The following DISP1 variants were observed in gnomAD, a reference collection of about 807,000 sequenced individuals.
DISP1 encodes protein dispatched homolog 1.
DISP1 carries 30 observed loss-of-function variants against 37.3 expected under a neutral mutation model. The ratio of observed to expected loss-of-function variants is 0.80; its 90% CI spans 0.60 to 1.09. The LOEUF (loss-of-function observed/expected upper bound fraction) is 1.09. DISP1 is among the 50% of genes least tolerant of loss of function. The pLI is 0.00. For missense variants in DISP1, 1,598 were observed against 1,879.5 expected (o/e 0.85, Z 2.77); for synonymous variants, 634 against 690.2 (o/e 0.92, Z 1.28).
chr1:222,842,306 G>C (rs1376760482), intron 1 of DISP1, among the ~76,000 whole-genome samples: 1 of 125,210 alleles, frequency 8.0e-6, no homozygotes, highest in Non-Finnish European at 1.7e-5. Context: ...AATAAAACCT[G>C]TCATTTTAAA....
intron 1 of DISP1, among the ~76,000 whole-genome samples, chr1:222,899,135 A>G (rs1558318315): frequency 6.6e-6 from 1 of 152,078 alleles, no homozygotes; most frequent in Non-Finnish European, 1.5e-5. Flanking sequence ...TTTGATTCCT[A>G]CAGCAAGGCC....
At chr1:222,964,949 T>C (rs993679140) in intron 3 of DISP1, among the ~76,000 whole-genome samples, 7 of 152,216 alleles carry the variant, frequency 4.6e-5, no homozygotes, top group African/African-American at 1.7e-4. Context: ...CATTCTGGTT[T>C]CATGCTTCTG....
At chr1:222,834,452 G>T (rs1483723744) in intron 1 of DISP1, among the ~76,000 whole-genome samples, 1 of 152,142 alleles carries the variant, frequency 6.6e-6, no homozygotes, top group African/African-American at 2.4e-5. Context: ...AGGAATTTAG[G>T]AATAGCAGTG....
chr1:222,849,466 CATA>C (rs1211767168), intron 1 of DISP1, among the ~76,000 whole-genome samples: 1 of 151,914 alleles, frequency 6.6e-6, no homozygotes, highest in African/African-American at 2.4e-5. Flanking sequence ...ATCTGTATAA[CATA>C]AACCTTTCAA....
intron 1 of DISP1, among the ~76,000 whole-genome samples, chr1:222,881,552 T>C (rs1393715020): frequency 6.6e-6 from 1 of 152,164 alleles, no homozygotes; most frequent in Non-Finnish European, 1.5e-5. Flanking sequence ...TTTAAGGAAG[T>C]ATTAATAACA....
At chr1:222,969,783 T>C (rs1676803501) in intron 3 of DISP1, among the ~76,000 whole-genome samples, 1 of 152,130 alleles carries the variant, frequency 6.6e-6, no homozygotes. Flanking sequence ...AGAGTTACAA[T>C]GTTTTATCTG....
At chr1:222,995,701 T>G (rs1008382566) in intron 8 of DISP1, among the ~76,000 whole-genome samples, 2 of 152,224 alleles carry the variant, frequency 1.3e-5, no homozygotes, top group African/African-American at 4.8e-5. Context: ...AAATAGAAAC[T>G]GCTATCTGAT....
At chr1:222,817,246 A>G (rs1037009722) in intron 1 of DISP1, among the ~76,000 whole-genome samples, 1 of 152,262 alleles carries the variant, frequency 6.6e-6, no homozygotes, top group South Asian at 2.1e-4. Flanking sequence ...GATTAAGTAC[A>G]GCGAACTGCT....
At chr1:222,974,053 G>C (rs1677143896) in intron 3 of DISP1, among the ~76,000 whole-genome samples, 1 of 152,198 alleles carries the variant, frequency 6.6e-6, no homozygotes, top group Non-Finnish European at 1.5e-5. Context: ...GCAAGAATCG[G>C]TTGATCTTGT....
In DISP1 at chr1:223,005,907, A is replaced by G; in HGVS notation, c.4510A>G (p.Asn1504Asp). 6.2e-7 allele frequency: 1 copy of G among 1,614,204 alleles called. No homozygotes were observed. Among genetic ancestry groups the G allele is most frequent in the Non-Finnish European group, 8.5e-7 (1 of 1,180,048 alleles). ...CTGTCAAATGCCAAACATGGAAGCC[A>G]ATGTGCCTGCTGTATTAACACACTC... ...VDCQMPNMEA[N>D]VPAVLTHSEL... Residue 1504 changes from asparagine (N) to aspartate (D), a missense_variant, in exon 9 of 9, where the codon AAT becomes GAT. Asn to Asp is a conservative substitution (Grantham distance 23). Transcript: ENST00000675850.
At position 223,005,240 on chromosome 1, in the gene DISP1, C is replaced by T. The variant is rs1279986811; in HGVS notation, c.3843C>T (p.Asn1281=). 6.2e-7 allele frequency: 1 copy of T among 1,614,084 alleles called. No homozygotes were observed. The highest frequency in any genetic ancestry group is 1.7e-5 in the Admixed American group (1 of 60,024). ...GCCCAGATGCCTACAAACACTTGAA[C>T]TATGGCCCACACTCTTGCCAGCAGA... ...CSCPDAYKHL[N]YGPHSCQQMG... is the part of the protein sequence containing the mutation. The change falls in exon 9 of 9, where the codon AAC becomes AAT. Residue 1281 remains asparagine, a synonymous_variant. Transcript: ENST00000675850.
intron 3 of DISP1, among the ~76,000 whole-genome samples, chr1:222,978,238 G>A (rs1261756192): frequency 4.6e-5 from 7 of 152,140 alleles, no homozygotes; most frequent in Middle Eastern, 3.4e-3. Context: ...ATGGTATCTC[G>A]TTGTGGTTTT....
chr1:222,900,949 C>A (rs1238879607), intron 1 of DISP1, among the ~76,000 whole-genome samples: 1 of 152,018 alleles, frequency 6.6e-6, no homozygotes, highest in East Asian at 1.9e-4. Flanking sequence ...TATTTGTATG[C>A]TGTTGGGAAT....
intron 1 of DISP1, among the ~76,000 whole-genome samples, chr1:222,909,919 C>T (rs1292187486): frequency 3.3e-5 from 5 of 152,128 alleles, no homozygotes; most frequent in East Asian, 1.9e-4. Flanking sequence ...GACACTAAAA[C>T]GTTAGCTGCC....
chr1:222,902,252 G>T (rs889853616), intron 1 of DISP1, among the ~76,000 whole-genome samples: 5 of 152,036 alleles, frequency 3.3e-5, no homozygotes, highest in Admixed American at 2.6e-4. Context: ...TGATGTTAGG[G>T]TGTCAATTTT....
At chr1:222,857,515 C>T (rs1306370777) in intron 1 of DISP1, among the ~76,000 whole-genome samples, 3 of 152,070 alleles carry the variant, frequency 2.0e-5, no homozygotes, top group Non-Finnish European at 4.4e-5. Flanking sequence ...ATGACATGAT[C>T]CTATATCTAG....
chr1:222,956,694 A>G (rs1171448098), intron 3 of DISP1, among the ~76,000 whole-genome samples: 1 of 152,118 alleles, frequency 6.6e-6, no homozygotes, highest in African/African-American at 2.4e-5. Flanking sequence ...TCACTGAGCA[A>G]CATCAGTGTT....
intron 1 of DISP1, among the ~76,000 whole-genome samples, chr1:222,860,925 G>A (rs555189226): frequency 6.6e-6 from 1 of 151,978 alleles, no homozygotes; most frequent in Non-Finnish European, 1.5e-5. Context: ...GAAAAAAGTG[G>A]GGCAGGGGAC....
chr1:223,003,039 G>A lies in DISP1; in HGVS notation c.1642G>A (p.Val548Ile). 1 of 1,614,040 alleles carries A rather than the reference G, an allele frequency of 6.2e-7. No individual in the cohort carries two copies. Among genetic ancestry groups the A allele is most frequent in the Non-Finnish European group, 8.5e-7 (1 of 1,180,028 alleles). Residue 548 changes from valine (V) to isoleucine (I), a missense_variant, in exon 9 of 9, where the codon GTA becomes ATA. Transcript: ENST00000675850. This position sits in a 1 kb window ranked among gnomAD's most constrained non-coding sequence, Gnocchi z 4.3. The part of the protein sequence containing the change: ...SLIVSYFLYR[V>I]VFHFEFFPFM... Reference sequence around the variant, plus strand: ...GATTGTTTCCTATTTTCTCTATCGTGTAGTATTTCACTTCGAATTTTTTCC... The same window carrying A: ...GATTGTTTCCTATTTTCTCTATCGTATAGTATTTCACTTCGAATTTTTTCC...
Sources: gnomAD v4.1 joint callset for allele counts (sites outside exome capture counted in the v4.1 genomes callset) on GRCh38, gnomAD v4.1.1 for gene constraint, Gnocchi (gnomAD v3.1) non-coding constraint, MANE v1.5 for transcripts, NCBI Gene and HGNC (gene_info 2026-07-23, HGNC 2026-07-21) for gene names.